IYD: variants seen among roughly 807,000 people sequenced by gnomAD.
The protein encoded by IYD is iodotyrosine deiodinase 1.
IYD carries 25 observed loss-of-function variants against 28.4 expected under a neutral mutation model. The ratio of observed to expected loss-of-function variants is 0.88; its 90% CI spans 0.64 to 1.23. The LOEUF is 1.23. IYD is among the 50% of genes most tolerant of loss of function. The pLI is 0.00. For synonymous variants in IYD, 140 were observed against 130.8 expected (o/e 1.07, Z -0.48); for missense variants, 352 against 357.9 (o/e 0.98, Z 0.13).
At chr6:150,370,069 T>G (rs551438202) in intron 1 of IYD, 21 of 701,874 alleles carry the variant, frequency 3.0e-5, no homozygotes, top group Non-Finnish European at 4.9e-5. Flanking sequence ...AGAAGCTTTG[T>G]CTGGGATGGG....
intron 1 of IYD, among the ~76,000 whole-genome samples, chr6:150,386,276 G>A (rs948817916): frequency 6.6e-5 from 10 of 151,756 alleles, no homozygotes; most frequent in Non-Finnish European, 1.3e-4. Flanking sequence ...AATATAATAT[G>A]TTAATGTTAT....
rs758471889 is a variant in IYD, at chr6:150,389,413, C to T, written c.240C>T (p.His80=). ...AACACATCCCCTTCTCTCATAACCA[C>T]TATCCTGAGAAGGAAATGGTTAAGA... The part of the protein sequence containing the change: ...NVEHIPFSHN[H]YPEKEMVKRS... Residue 80 remains histidine (H), a synonymous_variant, in exon 2 of 5, where the codon CAC becomes CAT. Coordinates refer to ENST00000344419, the MANE Select transcript of IYD (RefSeq NM_203395.3). 4 of 1,613,086 alleles carry T rather than the reference C, an allele frequency of 2.5e-6. No individual in the cohort carries two copies. Among genetic ancestry groups the T allele is most frequent in the Admixed American group, 1.7e-5 (1 of 60,016 alleles).
At chr6:150,387,334 G>C (rs900988999) in intron 1 of IYD, among the ~76,000 whole-genome samples, 1 of 151,714 alleles carries the variant, frequency 6.6e-6, no homozygotes, top group Admixed American at 6.6e-5. Flanking sequence ...GCTGAAGCTG[G>C]AGGATCCCTT....
intron 1 of IYD, among the ~76,000 whole-genome samples, chr6:150,382,356 G>A (rs1026448111): frequency 1.3e-5 from 2 of 152,140 alleles, no homozygotes; most frequent in Middle Eastern, 3.2e-3. Context: ...TGATCCCAAA[G>A]CTACTTCCTA....
intron 3 of IYD, 113 bp from the exon 4 acceptor site, chr6:150,393,986 A>T: frequency 9.1e-7 from 1 of 1,101,314 alleles, no homozygotes; most frequent in Non-Finnish European, 1.3e-6. Flanking sequence ...TTTTCAATTT[A>T]AATATAAAAG....
At chr6:150,375,576 C>T (rs946779242) in intron 1 of IYD, among the ~76,000 whole-genome samples, 3 of 152,172 alleles carry the variant, frequency 2.0e-5, no homozygotes, top group African/African-American at 7.2e-5. Context: ...TCAGTATCTA[C>T]TAGTGCTATG....
At position 150,372,450 on chromosome 6, in the gene IYD, G is replaced by A. The variant is rs112147707; in HGVS notation, c.178+3241G>A. Among the ~76,000 whole-genome samples, 33 of 65,614 alleles carry A rather than the reference G, an allele frequency of 5.0e-4. No individual in the cohort carries two copies. The East Asian group carries it at 5.3e-3, about 10-fold the overall frequency. The allele number at this position is 65,614 out of a possible 152,430, so 43.0% of individuals were successfully genotyped here. A position where few individuals can be genotyped will look rare whatever the true frequency, so the allele number is the denominator to read the frequency against. On this transcript the variant is annotated intron_variant, in intron 1 of 4. Coordinates refer to ENST00000344419, the MANE Select transcript of IYD (RefSeq NM_203395.3). ...TATTAGACATGTGTGTGTGTGGGTG[G>A]GGTGGGGGGTGGTGAGGGAACATTG... is the stretch of plus-strand genomic sequence containing the variant.
chr6:150,384,244 G>A (rs1474009566), intron 1 of IYD: 2 of 152,102 alleles, frequency 1.3e-5, no homozygotes, highest in Non-Finnish European at 2.9e-5. Context: ...TTCCCATCAG[G>A]CTGCAAAATA....
At position 150,389,415 on chromosome 6, in the gene IYD, A is replaced by G. The variant is rs146414119; in HGVS notation, c.242A>G (p.Tyr81Cys). The change falls in exon 2 of 5, where the codon TAT becomes TGT. Residue 81 changes from tyrosine to cysteine, a missense_variant. Tyr to Cys is a radical substitution (Grantham distance 194, BLOSUM62 -2). Transcript: ENST00000344419. ...VEHIPFSHNH[Y>C]PEKEMVKRSQ... ...CACATCCCCTTCTCTCATAACCACT[A>G]TCCTGAGAAGGAAATGGTTAAGAGG... 3 of 1,612,756 alleles carry G rather than the reference A, an allele frequency of 1.9e-6. No homozygotes were observed. Among genetic ancestry groups the G allele is most frequent in the Admixed American group, 1.7e-5 (1 of 59,994 alleles).
At chr6:150,395,480 A>C in intron 4 of IYD, 1 of 1,537,274 alleles carries the variant, frequency 6.5e-7, no homozygotes, top group Non-Finnish European at 8.7e-7. Flanking sequence ...ACCATGCGGC[A>C]TCAGACTGCG....
intron 1 of IYD, among the ~76,000 whole-genome samples, chr6:150,386,528 C>T (rs1031989470): frequency 6.6e-6 from 1 of 151,836 alleles, no homozygotes; most frequent in Non-Finnish European, 1.5e-5. Context: ...CTATGTAAGC[C>T]TATTTGGTTA....
In IYD at chr6:150,399,640, A is replaced by T. The variant is rs1226098439; in HGVS notation, c.*1403A>T. 26 of 152,032 alleles carry T rather than the reference A, an allele frequency of 1.7e-4. No individual in the cohort carries two copies. Among genetic ancestry groups the T allele is most frequent in the Admixed American group, 1.7e-3 (26 of 15,264 alleles). The allele number at this position is 152,032 out of a possible 1,614,324, so 9.4% of individuals were successfully genotyped here. A position where few individuals can be genotyped will look rare whatever the true frequency, so the allele number is the denominator to read the frequency against. On this transcript the variant is annotated 3_prime_UTR_variant, in exon 5 of 5. Coordinates refer to ENST00000344419, the MANE Select transcript of IYD (RefSeq NM_203395.3). ...AAAACTCTCTCTATAAAAAATTTCCATAGAGTATGTGGCTGATAAACAACA... is the reference window on the plus strand; with the variant it reads ...AAAACTCTCTCTATAAAAAATTTCCTTAGAGTATGTGGCTGATAAACAACA...
chr6:150,377,348 G>T lies in IYD; in HGVS notation c.178+8139G>T, dbSNP rs113713486. 1.3e-3 allele frequency among the ~76,000 whole-genome samples: 199 copies of T among 152,266 alleles called. 1 individual carries two copies. Among genetic ancestry groups the T allele is most frequent in the Middle Eastern group, 0.01 (3 of 294 alleles). On this transcript the variant is annotated intron_variant, in intron 1 of 4. Coordinates refer to ENST00000344419, the MANE Select transcript of IYD (RefSeq NM_203395.3). ...CTCTGGCTGAGGGCCACATTCCTCG[G>T]GAGCAGTCAGGAGTTCAAGAGAAGG...
chr6:150,397,744 A>G (rs376972158), intron 4 of IYD, among the ~76,000 whole-genome samples: 2 of 151,728 alleles, frequency 1.3e-5, no homozygotes, highest in South Asian at 2.1e-4. Context: ...CCTCTACTGT[A>G]GTTGGATTCC....
At chr6:150,370,069 T>A (rs551438202) in intron 1 of IYD, 1 of 701,992 alleles carries the variant, frequency 1.4e-6, no homozygotes, top group Admixed American at 2.0e-5. Context: ...AGAAGCTTTG[T>A]CTGGGATGGG....
At chr6:150,388,315 C>A (rs956976394) in intron 1 of IYD, among the ~76,000 whole-genome samples, 3 of 152,142 alleles carry the variant, frequency 2.0e-5, no homozygotes, top group African/African-American at 7.2e-5. Context: ...CACCCTTAAT[C>A]CCTGAAGATA....
chr6:150,371,747 C>T (rs1230155448), intron 1 of IYD, among the ~76,000 whole-genome samples: 5 of 152,220 alleles, frequency 3.3e-5, no homozygotes, highest in South Asian at 2.1e-4. Context: ...AAAGTCTGCC[C>T]TGAGTGTGGT....
chr6:150,382,691 T>C (rs993718662), intron 1 of IYD, among the ~76,000 whole-genome samples: 3 of 152,266 alleles, frequency 2.0e-5, no homozygotes, highest in African/African-American at 7.2e-5. Flanking sequence ...TAGAAGAAAC[T>C]ATCTTCCTAT....
chr6:150,394,282 G>C lies in IYD; in HGVS notation c.687+27G>C, dbSNP rs769782087. On this transcript the variant is annotated intron_variant, in intron 4 of 4. Transcript: ENST00000344419. ...TATGTTGAGACATCAAGGGTTACAG[G>C]GTGGCCTTATTAGAACATTTCAGCT... The C allele has an allele frequency of 6.2e-6, 10 of 1,613,462 alleles. No homozygotes were observed. In the South Asian group the frequency reaches 7.7e-5, roughly 12 times the overall value.
Sources: allele counts gnomAD v4.1 joint callset (sites outside exome capture counted in the v4.1 genomes callset), GRCh38; gene constraint gnomAD v4.1.1; transcripts MANE v1.5; gene names NCBI Gene and HGNC (gene_info 2026-07-23, HGNC 2026-07-21).